CCDC201: variants seen among roughly 807,000 people sequenced by gnomAD.
CCDC201 encodes coiled-coil domain-containing protein 201.
At chr7:45,868,745 C>T (rs927953931) in intron 1 of CCDC201, among the ~76,000 whole-genome samples, 9 of 152,330 alleles carry the variant, frequency 5.9e-5, no homozygotes, top group Non-Finnish European at 8.8e-5. Context: ...AACCACCCTG[C>T]CCTCAGCTTT....
At chr7:45,882,445 A>G in the CCDC201 span, among the ~76,000 whole-genome samples, 1 of 152,246 alleles carries the variant, frequency 6.6e-6, no homozygotes, top group East Asian at 1.9e-4. Context: ...ATAGAAATCT[A>G]AGGCACAAAA....
chr7:45,874,997 T>C (rs1370344774), upstream of CCDC201, among the ~76,000 whole-genome samples: 3 of 152,302 alleles, frequency 2.0e-5, no homozygotes, highest in African/African-American at 7.2e-5. Flanking sequence ...AGATGCAGTG[T>C]GCAAAGCCAG....
At chr7:45,881,992 G>A in the CCDC201 span, among the ~76,000 whole-genome samples, 4 of 152,126 alleles carry the variant, frequency 2.6e-5, no homozygotes, top group Admixed American at 6.5e-5. Flanking sequence ...GCAGCACGTC[G>A]GGCCTTTGCA....
chr7:45,883,286 A>AAC, the CCDC201 span, among the ~76,000 whole-genome samples: 226 of 151,092 alleles, frequency 1.5e-3, 1 homozygote, highest in East Asian at 0.02. Context: ...CACACACCCC[A>AAC]ACACACACAC....
chr7:45,874,767 G>A (rs1647498428), upstream of CCDC201, among the ~76,000 whole-genome samples: 1 of 152,228 alleles, frequency 6.6e-6, no homozygotes, highest in South Asian at 2.1e-4. Context: ...AGGTTCAAGT[G>A]CTGAGAGTGG....
upstream of CCDC201, among the ~76,000 whole-genome samples, chr7:45,876,523 C>A (rs1263181411): frequency 2.0e-5 from 3 of 152,172 alleles, no homozygotes; most frequent in African/African-American, 7.2e-5. Context: ...ACTTCCAGGT[C>A]CCCAGAGTTG....
chr7:45,884,111 TTTCTC>T, the CCDC201 span, among the ~76,000 whole-genome samples: 1 of 50,962 alleles, frequency 2.0e-5, no homozygotes, highest in Non-Finnish European at 5.0e-5. Flanking sequence ...CCTCTCTCTC[TTTCTC>T]TTGAGACAGG....
the CCDC201 span, among the ~76,000 whole-genome samples, chr7:45,880,982 G>A: frequency 2.6e-5 from 4 of 152,122 alleles, no homozygotes; most frequent in African/African-American, 9.7e-5. Flanking sequence ...TGAGTTCACG[G>A]GGCCAAACTG....
chr7:45,881,988 C>A, the CCDC201 span, among the ~76,000 whole-genome samples: 2 of 152,128 alleles, frequency 1.3e-5, no homozygotes, highest in African/African-American at 4.8e-5. Context: ...AAGGGCAGCA[C>A]GTCGGGCCTT....
At chr7:45,871,381 AAAC>A (rs1393672293) in intron 1 of CCDC201, among the ~76,000 whole-genome samples, 4 of 152,096 alleles carry the variant, frequency 2.6e-5, no homozygotes, top group Non-Finnish European at 5.9e-5. Flanking sequence ...CCAGAAAAAA[AAAC>A]AAAAAAATTA....
At chr7:45,862,494 TC>T (rs1417163655) in exon 3 of CCDC201, 1 of 152,302 alleles carries the variant, frequency 6.6e-6, no homozygotes, top group African/African-American at 2.4e-5. Context: ...CTGGTTCCTC[TC>T]CACATAAGGG....
chr7:45,868,288 A>C (rs951069368), intron 1 of CCDC201, among the ~76,000 whole-genome samples: 2 of 152,178 alleles, frequency 1.3e-5, no homozygotes, highest in African/African-American at 4.8e-5. Context: ...TGTCCTCCAG[A>C]TACAGAATAG....
At chr7:45,864,321 C>G (rs1786639399) in intron 2 of CCDC201, among the ~76,000 whole-genome samples, 1 of 152,222 alleles carries the variant, frequency 6.6e-6, no homozygotes. Flanking sequence ...ATGCGTTCCA[C>G]ATGGGTTGTT....
exon 3 of CCDC201, chr7:45,860,105 G>A (rs532235869): frequency 1.8e-4 from 27 of 153,636 alleles, no homozygotes; most frequent in African/African-American, 5.8e-4. Context: ...TTTGGGATAG[G>A]CGGTAGAGTT....
the CCDC201 span, among the ~76,000 whole-genome samples, chr7:45,880,170 C>T: frequency 6.6e-6 from 1 of 152,288 alleles, no homozygotes; most frequent in South Asian, 2.1e-4. Context: ...GAAACTTATA[C>T]TCTCATACAT....
At chr7:45,864,238 C>G (rs1174771999) in intron 2 of CCDC201, among the ~76,000 whole-genome samples, 1 of 152,124 alleles carries the variant, frequency 6.6e-6, no homozygotes, top group African/African-American at 2.4e-5. Flanking sequence ...GCCTCTGATC[C>G]CACAGAGGGG....
At chr7:45,869,061 G>A (rs760583592) in intron 1 of CCDC201, among the ~76,000 whole-genome samples, 47 of 151,064 alleles carry the variant, frequency 3.1e-4, no homozygotes, top group Non-Finnish European at 5.1e-4. Flanking sequence ...CATCCTTGAC[G>A]ATTTCTCATG....
chr7:45,876,480 C>T (rs925234922), upstream of CCDC201, among the ~76,000 whole-genome samples: 1 of 152,120 alleles, frequency 6.6e-6, no homozygotes, highest in African/African-American at 2.4e-5. Flanking sequence ...AAATACAGCA[C>T]AAAGCTGGCC....
At chr7:45,884,810 C>G in the CCDC201 span, among the ~76,000 whole-genome samples, 4 of 152,134 alleles carry the variant, frequency 2.6e-5, no homozygotes, top group Admixed American at 2.0e-4. Context: ...AGTAGCCCGC[C>G]CTTGACAGAC....
Sources: allele counts gnomAD v4.1 joint callset (sites outside exome capture counted in the v4.1 genomes callset), GRCh38; gene constraint gnomAD v4.1.1; transcripts MANE v1.5; gene names NCBI Gene and HGNC (gene_info 2026-07-23, HGNC 2026-07-21).